PAN3: variants seen among roughly 807,000 people sequenced by gnomAD.
PAN3 encodes poly(A) specific ribonuclease subunit PAN3, also known as PAN2-PAN3 deadenylation complex subunit PAN3.
A neutral mutation model predicts 96.2 loss-of-function variants in PAN3; 19 were observed. The observed-to-expected ratio is 0.20, with a 90% confidence interval of 0.14 to 0.29. The LOEUF (loss-of-function observed/expected upper bound fraction) is 0.29. Among genes scored for constraint, PAN3 ranks in the 10% least tolerant of loss-of-function variants. The pLI, the probability that PAN3 is intolerant of heterozygous loss-of-function variation, is 1.00. For synonymous variants in PAN3, 433 were observed against 406.6 expected (o/e 1.06, Z -0.78); for missense variants, 882 against 1,108.1 (o/e 0.80, Z 2.90).
At chr13:28,240,064 T>C (rs1353066461) in intron 6 of PAN3, 1 of 152,580 alleles carries the variant, frequency 6.6e-6, no homozygotes, top group East Asian at 1.9e-4. Context: ...GCTTAGAATT[T>C]TTAAGATTTA....
intron 4 of PAN3, among the ~76,000 whole-genome samples, chr13:28,188,990 A>T (rs556780438): frequency 6.6e-6 from 1 of 152,358 alleles, no homozygotes; most frequent in South Asian, 2.1e-4. Flanking sequence ...TTTAAGAATG[A>T]TAGAGAAGTT....
chr13:28,202,812 T>C (rs1270868957), intron 5 of PAN3, among the ~76,000 whole-genome samples: 1 of 152,236 alleles, frequency 6.6e-6, no homozygotes, highest in Non-Finnish European at 1.5e-5. Flanking sequence ...AAGCATGTGT[T>C]TATTTCTGTA....
chr13:28,268,269 G>T (rs968528271), intron 12 of PAN3, among the ~76,000 whole-genome samples: 10 of 151,410 alleles, frequency 6.6e-5, no homozygotes, highest in Non-Finnish European at 1.2e-4. Flanking sequence ...TTTATTATAG[G>T]TATTTTCCCC....
At chr13:28,210,119 A>G (rs576697664) in intron 5 of PAN3, among the ~76,000 whole-genome samples, 94 of 152,226 alleles carry the variant, frequency 6.2e-4, no homozygotes, top group African/African-American at 2.2e-3. Context: ...AACTGTTCTC[A>G]TAAAAGGTAC....
Position 28,268,208 on chromosome 13 carries a change from C to T in PAN3, c.1792+807C>T, listed in dbSNP as rs553201811. Among the ~76,000 whole-genome samples the T allele has an allele frequency of 2.6e-5, 4 of 152,054 alleles. No individual in the cohort carries two copies. In the South Asian group the frequency reaches 8.3e-4, roughly 32 times the overall value. On this transcript the variant is annotated intron_variant, in intron 12 of 18. Transcript: ENST00000380958. ...ATCTTGCTTTGTTTTGTTTTTGTCT[C>T]CTTTTGCATTGTTTTTTGTTTTAAC...
chr13:28,185,431 A>T (rs987923847), intron 4 of PAN3, among the ~76,000 whole-genome samples: 1 of 152,164 alleles, frequency 6.6e-6, no homozygotes, highest in Non-Finnish European at 1.5e-5. Flanking sequence ...TTTTGTTTTA[A>T]CAAGTGTGAG....
chr13:28,220,310 T>C lies in PAN3; in HGVS notation c.932T>C (p.Met311Thr), dbSNP rs765424633. The C allele has an allele frequency of 2.3e-5, 37 of 1,613,764 alleles. No homozygotes were observed. Among genetic ancestry groups the C allele is most frequent in the African/African-American group, 5.3e-5 (4 of 74,920 alleles). ...CTGAGTAACGTGTCCCAGTCAAATATGTCTGCCTTCTCTCAAGTTTTCTCT... is the reference window on the plus strand; with the variant it reads ...CTGAGTAACGTGTCCCAGTCAAATACGTCTGCCTTCTCTCAAGTTTTCTCT... Reference protein sequence around the residue: ...SRLSNVSQSNMSAFSQVFSHP... With the variant: ...SRLSNVSQSNTSAFSQVFSHP... The change falls in exon 6 of 19, where the codon ATG becomes ACG. Residue 311 changes from methionine to threonine, a missense_variant. By Grantham distance (81) the Met-to-Thr change is moderately conservative. This residue lies in a region of PAN3 where 442 missense variants were observed against 422.8 expected (regional missense o/e 1.05). Transcript: ENST00000380958.
At chr13:28,179,414 A>G (rs571899973) in intron 4 of PAN3, among the ~76,000 whole-genome samples, 3 of 152,212 alleles carry the variant, frequency 2.0e-5, no homozygotes, top group Non-Finnish European at 2.9e-5. Flanking sequence ...TTTCTCATTT[A>G]TAAAATAATC....
chr13:28,260,695 TA>T (rs1489366172), intron 8 of PAN3, 144 bp downstream of exon 8: 2 of 650,880 alleles, frequency 3.1e-6, no homozygotes, highest in Admixed American at 6.3e-5. Context: ...TTTTAATTGG[TA>T]TTTTTTTTAA....
At chr13:28,221,196 A>C (rs538127874) in intron 6 of PAN3, among the ~76,000 whole-genome samples, 2 of 152,268 alleles carry the variant, frequency 1.3e-5, no homozygotes, top group South Asian at 4.1e-4. Flanking sequence ...GTATACCTTG[A>C]TTTGGAAAGT....
intron 1 of PAN3, among the ~76,000 whole-genome samples, chr13:28,154,933 G>GC (rs972417875): frequency 2.7e-5 from 4 of 150,016 alleles, no homozygotes; most frequent in African/African-American, 9.8e-5. Flanking sequence ...CCATTCTCCT[G>GC]CCTCAGCCTC....
chr13:28,188,245 C>T (rs1356059021), intron 4 of PAN3, among the ~76,000 whole-genome samples: 2 of 125,922 alleles, frequency 1.6e-5, no homozygotes, highest in South Asian at 2.4e-4. Flanking sequence ...TCAAAATAAG[C>T]CTGCATTTTT....
At chr13:28,215,462 A>G (rs1880626112) in intron 5 of PAN3, 3 of 693,870 alleles carry the variant, frequency 4.3e-6, no homozygotes, top group Non-Finnish European at 8.0e-6. Flanking sequence ...GTGTCTGTCA[A>G]AGATGTTCGT....
intron 7 of PAN3, 143 bp from the exon 8 acceptor site, chr13:28,260,304 G>T: frequency 1.9e-6 from 1 of 538,928 alleles, no homozygotes; most frequent in East Asian, 3.6e-5. Context: ...TGAGGCAGGA[G>T]AATCACTTGA....
intron 18 of PAN3, among the ~76,000 whole-genome samples, chr13:28,291,918 C>T (rs2138776132): frequency 6.6e-6 from 1 of 152,158 alleles, no homozygotes; most frequent in Admixed American, 6.5e-5. Flanking sequence ...GCTATAAAAC[C>T]ACTTCTACTT....
intron 1 of PAN3, among the ~76,000 whole-genome samples, chr13:28,145,440 A>G (rs1271708481): frequency 4.0e-5 from 6 of 151,664 alleles, no homozygotes; most frequent in South Asian, 2.1e-4. Context: ...TTCTCATGCC[A>G]TAGACTCATG....
chr13:28,249,834 A>G (rs1467352752), intron 6 of PAN3, among the ~76,000 whole-genome samples: 4 of 152,106 alleles, frequency 2.6e-5, no homozygotes, highest in African/African-American at 9.7e-5. Flanking sequence ...TTTGACTTTT[A>G]TTCTTTTACT....
At chr13:28,205,265 A>T (rs1251207734) in intron 5 of PAN3, among the ~76,000 whole-genome samples, 1 of 152,176 alleles carries the variant, frequency 6.6e-6, no homozygotes, top group Admixed American at 6.5e-5. Context: ...GCTTCAAGCT[A>T]TCTACTTAGG....
At chr13:28,139,746 C>T (rs1869429074) in intron 1 of PAN3, among the ~76,000 whole-genome samples, 1 of 151,986 alleles carries the variant, frequency 6.6e-6, no homozygotes, top group African/African-American at 2.4e-5. Flanking sequence ...TTCACAAAGA[C>T]GCATTTCATC....
Sources: gnomAD v4.1 joint callset for allele counts (sites outside exome capture counted in the v4.1 genomes callset) on GRCh38, gnomAD v4.1.1 for gene constraint, gnomAD v4.1.1 regional missense constraint, MANE v1.5 for transcripts, NCBI Gene and HGNC (gene_info 2026-07-23, HGNC 2026-07-21) for gene names.